Variants in ITGA2 observed in about 807,000 individuals in gnomAD.
ITGA2 encodes integrin alpha-2.
In ITGA2, 101 loss-of-function variants were observed where a neutral mutation model predicts 146.3. That is an observed-to-expected ratio of 0.69 (90% CI 0.59 to 0.81). ITGA2 has a LOEUF of 0.81. ITGA2 is among the 40% of genes least tolerant of loss of function. The pLI, the probability that ITGA2 is intolerant of heterozygous loss-of-function variation, is 0.00. For synonymous variants in ITGA2, 477 were observed against 487.1 expected, an observed-to-expected ratio of 0.98 and a Z score of 0.27; for missense variants, 1,281 against 1,402.7, an observed-to-expected ratio of 0.91 and a Z score of 1.39.
At chr5:52,989,689 A>G (rs1040516423) in intron 1 of ITGA2, among the ~76,000 whole-genome samples, 157 bp downstream of exon 1, 2 of 152,154 alleles carry the variant, frequency 1.3e-5, no homozygotes, top group Non-Finnish European at 2.9e-5. Context: ...CTGCTTGGAA[A>G]GAGATACTTC....
At chr5:52,994,010 A>G (rs980875281) in intron 1 of ITGA2, among the ~76,000 whole-genome samples, 2 of 152,178 alleles carry the variant, frequency 1.3e-5, no homozygotes, top group Non-Finnish European at 2.9e-5. Context: ...GTGGCTCCCT[A>G]CAGGGGAGAA....
intron 14 of ITGA2, 64 bp downstream of exon 14, chr5:53,065,179 G>A: frequency 6.7e-7 from 1 of 1,492,496 alleles, no homozygotes; most frequent in Non-Finnish European, 9.3e-7. Context: ...GACATAGAAA[G>A]CGTCATGTAA....
At chr5:53,061,665 G>A (rs747479116) in intron 12 of ITGA2, among the ~76,000 whole-genome samples, 23 of 152,076 alleles carry the variant, frequency 1.5e-4, no homozygotes, top group South Asian at 6.2e-4. Flanking sequence ...AAGATCTGTT[G>A]CTAGAGCAAA....
rs1740535202 is a variant in ITGA2, at chr5:53,093,411, T to C, written c.*2812T>C. 1 of 152,180 alleles carries C rather than the reference T, an allele frequency of 6.6e-6. No homozygotes were observed. The highest frequency in any genetic ancestry group is 1.9e-4 in the East Asian group (1 of 5,190). 9.4% of individuals were successfully genotyped at this position (152,180 alleles called of 1,614,324 possible). A position where few individuals can be genotyped will look rare whatever the true frequency, so the allele number is the denominator to read the frequency against. On this transcript the variant is annotated 3_prime_UTR_variant, in exon 30 of 30. Transcript: ENST00000296585. ...TCTCTCAACCTGGGCGCTACTGTCATTTGGGGCCAGGTGATTCTTCCTTGC... is the reference window on the plus strand; with the variant it reads ...TCTCTCAACCTGGGCGCTACTGTCACTTGGGGCCAGGTGATTCTTCCTTGC...
intron 15 of ITGA2, among the ~76,000 whole-genome samples, 158 bp from the exon 16 acceptor site, chr5:53,066,960 A>G (rs896236019): frequency 2.6e-5 from 4 of 151,852 alleles, no homozygotes; most frequent in African/African-American, 9.7e-5. Flanking sequence ...TCTGTCTGCC[A>G]TCTTAGAGCT....
Position 53,026,748 on chromosome 5 carries a change from G to A in ITGA2, c.65G>A (p.Gly22Asp). The change falls in exon 2 of 30, where the codon GGC (glycine) becomes GAC (aspartate). Residue 22 changes from glycine to aspartate, a missense_variant and splice_region_variant. By Grantham distance (94) the Gly-to-Asp change is moderately conservative. Around this residue, in one of 3 missense-constraint regions of ITGA2, gnomAD observed 795 missense variants for 841.7 expected, o/e 0.94. Transcript: ENST00000296585. ...PLLLVLALSQ[G>D]ILNCCLAYNV... Reference sequence around the variant, plus strand: ...TGCTATTTCATATTTTTCTTAATAGGCATTTTAAATTGTTGTTTGGCCTAC... The same window carrying A: ...TGCTATTTCATATTTTTCTTAATAGACATTTTAAATTGTTGTTTGGCCTAC... 6.2e-7 allele frequency: 1 copy of A among 1,607,590 alleles called. No homozygotes were observed.
At chr5:53,078,063 A>T (rs897690235) in intron 23 of ITGA2, among the ~76,000 whole-genome samples, 1 of 152,058 alleles carries the variant, frequency 6.6e-6, no homozygotes, top group African/African-American at 2.4e-5. Context: ...GAGTGGTCCT[A>T]TGAGGGTTTC....
chr5:53,061,165 T>C lies in ITGA2; in HGVS notation c.1458+119T>C. On this transcript the variant is annotated intron_variant, in intron 12 of 29. Coordinates refer to ENST00000296585, the MANE Select transcript of ITGA2 (RefSeq NM_002203.4). ...AGTGCCTACTCTGTGATTGGCTCTG[T>C]AATCTGAGTTTACTTAGTGTATTCC... The C allele has an allele frequency of 4.2e-6, 4 of 942,204 alleles. No individual in the cohort carries two copies. The South Asian group carries it at 5.3e-5, about 13-fold the overall frequency. The allele number at this position is 942,204 out of a possible 1,614,324, so 58.4% of individuals were successfully genotyped here. A position where few individuals can be genotyped will look rare whatever the true frequency, so the allele number is the denominator to read the frequency against.
chr5:53,075,089 A>T lies in ITGA2; in HGVS notation c.2693A>T (p.Asn898Ile), dbSNP rs138437143. Residue 898 changes from asparagine to isoleucine, a missense_variant, in exon 22 of 30, where the codon AAT becomes ATT. This residue lies in a region of ITGA2 where 475 missense variants were observed against 530.5 expected (regional missense o/e 0.90). Coordinates refer to ENST00000296585, the MANE Select transcript of ITGA2 (RefSeq NM_002203.4). The stretch of plus-strand genomic sequence containing the variant: ...ACTTTTACTATTAACTTTGACTTCA[A>T]TCTTCAAAACCTTCAGAATCAGGCG... ...QVTFTINFDF[N>I]LQNLQNQASL... The T allele has an allele frequency of 6.2e-7, 1 of 1,611,748 alleles. No homozygotes were observed.
Position 53,070,182 on chromosome 5 carries a change from A to G in ITGA2, c.2157A>G (p.Glu719=), listed in dbSNP as rs368080571. 2.2e-5 allele frequency: 35 copies of G among 1,611,936 alleles called. No homozygotes were observed. Among genetic ancestry groups the G allele is most frequent in the Non-Finnish European group, 2.9e-5 (34 of 1,178,720 alleles). ...SRVTSRGLFK[E]NNERCLQKNM... Reference sequence around the variant, plus strand: ...TAACCTCCAGGGGGTTATTTAAAGAAAACAATGAAAGGTGCCTGCAGAAGA... The same window carrying G: ...TAACCTCCAGGGGGTTATTTAAAGAGAACAATGAAAGGTGCCTGCAGAAGA... The change falls in exon 17 of 30, where the codon GAA becomes GAG. Residue 719 remains glutamate (E), a synonymous_variant. Transcript: ENST00000296585.
Position 53,087,016 on chromosome 5 carries a change from A to G in ITGA2, c.3323A>G (p.Tyr1108Cys). The G allele has an allele frequency of 1.9e-6, 3 of 1,613,522 alleles. No individual in the cohort carries two copies. Among genetic ancestry groups the G allele is most frequent in the Non-Finnish European group, 2.5e-6 (3 of 1,179,526 alleles). The change falls in exon 28 of 30, where the codon TAT becomes TGT. Residue 1108 changes from tyrosine (Y) to cysteine (C), a missense_variant. Tyr to Cys is a radical substitution (Grantham distance 194). Around this residue, in one of 3 missense-constraint regions of ITGA2, gnomAD observed 475 missense variants for 530.5 expected, o/e 0.90. Coordinates refer to ENST00000296585, the MANE Select transcript of ITGA2 (RefSeq NM_002203.4). The stretch of plus-strand genomic sequence containing the variant: ...ATCAACACCTATAACCCTGAGATAT[A>G]TGTGATTGAAGATAACACTGTTACG... ...AEINTYNPEI[Y>C]VIEDNTVTIP...
intron 24 of ITGA2, 136 bp from the exon 25 acceptor site, chr5:53,080,375 A>G: frequency 2.7e-6 from 2 of 743,252 alleles, no homozygotes; most frequent in Non-Finnish European, 2.4e-6. Flanking sequence ...GTGTGACTAT[A>G]AAGTAATGGC....
rs144741380 is a variant in ITGA2, at chr5:53,039,373, A to G, written c.186-2739A>G. On this transcript the variant is annotated intron_variant, in intron 2 of 29. Coordinates refer to ENST00000296585, the MANE Select transcript of ITGA2 (RefSeq NM_002203.4). ...GGCTGAGAAAGGAACAGATGACACA[A>G]TAACACAATGGTAACAGAATGTATA... Among the ~76,000 whole-genome samples, 26 of 152,298 alleles carry G rather than the reference A, an allele frequency of 1.7e-4. No individual in the cohort carries two copies. In the East Asian group the frequency reaches 4.8e-3, roughly 28 times the overall value.
At chr5:53,061,365 C>T (rs1239186598) in intron 12 of ITGA2, among the ~76,000 whole-genome samples, 2 of 151,800 alleles carry the variant, frequency 1.3e-5, no homozygotes, top group Admixed American at 1.3e-4. Flanking sequence ...GTTTTTGACT[C>T]CCTGGATTAA....
chr5:52,996,739 G>T (rs994545100), intron 1 of ITGA2, among the ~76,000 whole-genome samples: 1 of 152,172 alleles, frequency 6.6e-6, no homozygotes, highest in Non-Finnish European at 1.5e-5. Flanking sequence ...TAATATCAGT[G>T]CGTTAGTCAG....
intron 7 of ITGA2, 146 bp downstream of exon 7, chr5:53,051,705 A>G (rs1240206461): frequency 1.8e-5 from 15 of 834,322 alleles, no homozygotes; most frequent in East Asian, 2.7e-5. Flanking sequence ...AAAAAACATC[A>G]GAGCATTCTA....
intron 1 of ITGA2, among the ~76,000 whole-genome samples, chr5:53,003,159 G>T (rs944687064): frequency 3.9e-5 from 6 of 152,046 alleles, no homozygotes; most frequent in African/African-American, 1.4e-4. Flanking sequence ...TTGACAAACT[G>T]CCCTTTGTCT....
chr5:53,088,559 G>A (rs544147095), intron 28 of ITGA2, among the ~76,000 whole-genome samples: 2 of 151,834 alleles, frequency 1.3e-5, no homozygotes, highest in East Asian at 1.9e-4. Flanking sequence ...GGTGGTGCAC[G>A]CCTGGAATCC....
chr5:53,054,034 G>A (rs1467945228), intron 7 of ITGA2, among the ~76,000 whole-genome samples: 2 of 151,898 alleles, frequency 1.3e-5, no homozygotes, highest in African/African-American at 4.8e-5. Flanking sequence ...ATTCAAATTT[G>A]GCCGAAAAAT....
Sources: gnomAD v4.1 joint callset for allele counts (sites outside exome capture counted in the v4.1 genomes callset) on GRCh38, gnomAD v4.1.1 for gene constraint, gnomAD v4.1.1 regional missense constraint, MANE v1.5 for transcripts, NCBI Gene and HGNC (gene_info 2026-07-23, HGNC 2026-07-21) for gene names.